STARD3NL: variants seen among roughly 807,000 people sequenced by gnomAD.
The protein encoded by STARD3NL is STARD3 N-terminal like.
Under a neutral mutation model 30.9 loss-of-function variants are expected in STARD3NL, and 17 were observed. That is an observed-to-expected ratio of 0.55 (90% CI 0.38 to 0.82). STARD3NL has a LOEUF of 0.82. Ranked by LOEUF, STARD3NL falls within the 40% of genes least tolerant of loss-of-function variation. The probability of loss-of-function intolerance (pLI) is 0.00; values close to 1 mark genes in which losing one functional copy is unlikely to be tolerated. For synonymous variants in STARD3NL, 112 were observed against 100.5 expected (o/e 1.11, Z -0.69); for missense variants, 234 against 277.6 (o/e 0.84, Z 1.12).
At chr7:38,188,717 G>A (rs1013884092) in intron 1 of STARD3NL, among the ~76,000 whole-genome samples, 2 of 152,098 alleles carry the variant, frequency 1.3e-5, no homozygotes, top group African/African-American at 4.8e-5. Context: ...GGTTTGTCTC[G>A]TAAATTATGA....
chr7:38,216,970 A>G lies in STARD3NL; in HGVS notation c.382-55A>G, dbSNP rs1219129579. 5.7e-6 allele frequency: 9 copies of G among 1,588,998 alleles called. No individual in the cohort carries two copies. In the Admixed American group the frequency reaches 1.0e-4, roughly 18 times the overall value. ...ACGGGTCTCTTGTGAAGAGGGAGGT[A>G]CCTTCACAGTGTGAGATGCCTAGTG... On this transcript the variant is annotated intron_variant, in intron 4 of 8. Transcript: ENST00000009041.
At chr7:38,190,277 A>G (rs1390716548) in intron 1 of STARD3NL, among the ~76,000 whole-genome samples, 1 of 152,196 alleles carries the variant, frequency 6.6e-6, no homozygotes, top group Non-Finnish European at 1.5e-5. Flanking sequence ...TTTAAAACTC[A>G]TGAACATTTA....
Position 38,199,466 on chromosome 7 carries a change from T to C in STARD3NL, c.-58-7981T>C, listed in dbSNP as rs367546056. ...ATATTTGTTCTGTTCCTGCTGTCTGTCGTGTGCTGTGGTCAAATTCAGAGC... is the reference window on the plus strand; with the variant it reads ...ATATTTGTTCTGTTCCTGCTGTCTGCCGTGTGCTGTGGTCAAATTCAGAGC... On this transcript the variant is annotated intron_variant, in intron 1 of 8. Transcript: ENST00000009041. Among the ~76,000 whole-genome samples the C allele has an allele frequency of 1.8e-3, 280 of 152,348 alleles. 1 individual carries two copies. Among genetic ancestry groups the C allele is most frequent in the South Asian group, 2.3e-3 (11 of 4,826 alleles).
intron 1 of STARD3NL, among the ~76,000 whole-genome samples, chr7:38,201,220 T>TG (rs1187712764): frequency 1.3e-5 from 2 of 152,240 alleles, no homozygotes. Context: ...GTCTCTGCTT[T>TG]GTGTAACTTT....
chr7:38,206,851 A>T (rs1489039994), intron 1 of STARD3NL, among the ~76,000 whole-genome samples: 5 of 152,094 alleles, frequency 3.3e-5, no homozygotes, highest in African/African-American at 1.2e-4. Flanking sequence ...GCTCACTATA[A>T]CCTCAACTCC....
chr7:38,195,331 C>G (rs937555213), intron 1 of STARD3NL, among the ~76,000 whole-genome samples: 1 of 152,204 alleles, frequency 6.6e-6, no homozygotes, highest in Non-Finnish European at 1.5e-5. Flanking sequence ...GATGAGATTA[C>G]AAGCGTGAGC....
intron 7 of STARD3NL, among the ~76,000 whole-genome samples, chr7:38,221,430 C>T (rs1786455780): frequency 6.6e-6 from 1 of 152,080 alleles, no homozygotes; most frequent in South Asian, 2.1e-4. Context: ...AACCTATTTT[C>T]ATATTCTTAA....
intron 1 of STARD3NL, among the ~76,000 whole-genome samples, chr7:38,184,171 A>G (rs2115915471): frequency 6.6e-6 from 1 of 152,294 alleles, no homozygotes; most frequent in Admixed American, 6.5e-5. Flanking sequence ...AGAAAGTTTC[A>G]TCCAGGAAGT....
intron 1 of STARD3NL, among the ~76,000 whole-genome samples, chr7:38,183,249 C>T (rs1016306401): frequency 6.6e-6 from 1 of 152,086 alleles, no homozygotes; most frequent in East Asian, 1.9e-4. Context: ...TTCTTTGTGC[C>T]AGGAGTTGTT....
intron 2 of STARD3NL, among the ~76,000 whole-genome samples, chr7:38,210,263 T>C (rs183763681): frequency 3.9e-4 from 60 of 152,328 alleles, no homozygotes; most frequent in Admixed American, 1.2e-3. Flanking sequence ...TGAATAAATA[T>C]GGCACATAAT....
chr7:38,226,154 T>TTTG (rs1786751466), intron 7 of STARD3NL, among the ~76,000 whole-genome samples: 2 of 20,570 alleles, frequency 9.7e-5, no homozygotes, highest in African/African-American at 2.9e-4. Flanking sequence ...CCTATCTTGT[T>TTTG]TTTTTTTTTT....
chr7:38,187,718 G>A (rs1306098329), intron 1 of STARD3NL, among the ~76,000 whole-genome samples: 1 of 151,846 alleles, frequency 6.6e-6, no homozygotes, highest in Non-Finnish European at 1.5e-5. Flanking sequence ...ATGCTCCCCT[G>A]AATTCCTGAT....
At chr7:38,212,704 G>A (rs1370088718) in intron 2 of STARD3NL, among the ~76,000 whole-genome samples, 1 of 152,192 alleles carries the variant, frequency 6.6e-6, no homozygotes. Context: ...ATGGAAGGCG[G>A]TGGGAATAGG....
At chr7:38,217,366 A>G (rs1042016486) in intron 6 of STARD3NL, 61 bp downstream of exon 6, 1 of 1,532,322 alleles carries the variant, frequency 6.5e-7, no homozygotes. Context: ...GGAGGAAGAG[A>G]TGTGGTTTCT....
chr7:38,185,849 G>T (rs1228571266), intron 1 of STARD3NL, among the ~76,000 whole-genome samples: 3 of 152,128 alleles, frequency 2.0e-5, no homozygotes, highest in Non-Finnish European at 4.4e-5. Flanking sequence ...CTAAAAGAAG[G>T]TACACTTTTA....
intron 1 of STARD3NL, among the ~76,000 whole-genome samples, chr7:38,192,152 C>G (rs562289409): frequency 3.7e-4 from 56 of 152,206 alleles, no homozygotes; most frequent in African/African-American, 1.2e-3. Flanking sequence ...TTTTAAATGG[C>G]TGCCTTGCCT....
intron 1 of STARD3NL, among the ~76,000 whole-genome samples, chr7:38,199,110 G>A (rs1785058441): frequency 6.6e-6 from 1 of 152,120 alleles, no homozygotes; most frequent in African/African-American, 2.4e-5. Flanking sequence ...TCACCCAAAT[G>A]TTTTTCTTTA....
At chr7:38,218,545 C>T (rs1392940714) in intron 6 of STARD3NL, among the ~76,000 whole-genome samples, 1 of 152,162 alleles carries the variant, frequency 6.6e-6, no homozygotes, top group African/African-American at 2.4e-5. Flanking sequence ...ATGACTGAGG[C>T]TTGAATGGTT....
intron 4 of STARD3NL, 167 bp downstream of exon 4, chr7:38,215,272 C>T: frequency 1.7e-6 from 1 of 595,052 alleles, no homozygotes; most frequent in East Asian, 2.9e-5. Flanking sequence ...TACTCCAGGG[C>T]TTCTTTCCAA....
Sources: gnomAD v4.1 joint callset for allele counts (sites outside exome capture counted in the v4.1 genomes callset) on GRCh38, gnomAD v4.1.1 for gene constraint, MANE v1.5 for transcripts, NCBI Gene and HGNC (gene_info 2026-07-23, HGNC 2026-07-21) for gene names.